CCDC73: variants seen among roughly 807,000 people sequenced by gnomAD.
CCDC73 encodes the protein coiled-coil domain containing 73.
CCDC73 carries 95 observed loss-of-function variants against 116.5 expected under a neutral mutation model. That is an observed-to-expected ratio of 0.82 (90% CI 0.69 to 0.97). The LOEUF is 0.97. Among genes scored for constraint, CCDC73 ranks in the 50% least tolerant of loss-of-function variants. The pLI is 0.00. For synonymous variants in CCDC73, 398 were observed against 401.3 expected (o/e 0.99, Z 0.10); for missense variants, 1,066 against 1,206.8 (o/e 0.88, Z 1.73).
chr11:32,675,900 T>G lies in CCDC73; in HGVS notation c.551A>C (p.Lys184Thr). The G allele has an allele frequency of 6.3e-7, 1 of 1,598,834 alleles. No individual in the cohort carries two copies. Among genetic ancestry groups the G allele is most frequent in the South Asian group, 1.1e-5 (1 of 87,906 alleles). The change falls in exon 8 of 18, where the codon AAG (lysine) becomes ACG (threonine). Residue 184 changes from lysine to threonine, a missense_variant. By Grantham distance (78) the Lys-to-Thr change is moderately conservative. Transcript: ENST00000335185. ...QFGLVKENHE[K>T]LEQNVREAIQ... ...ATAGCACATACCATTTTGTTCTAAC[T>G]TTTCATGATTCTCTTTTACCAATCC...
chr11:32,699,880 ATAT>A (rs201190499), intron 5 of CCDC73, among the ~76,000 whole-genome samples: 50,141 of 138,734 alleles, frequency 0.36, 9,174 homozygotes, highest in East Asian at 0.78. Flanking sequence ...AGATTAAAAA[ATAT>A]ATATATATAT....
chr11:32,660,229 CAAAAAAAAAAAAAA>C (rs11310092), intron 9 of CCDC73, among the ~76,000 whole-genome samples: 2 of 66,506 alleles, frequency 3.0e-5, no homozygotes, highest in South Asian at 7.5e-4. Flanking sequence ...TTCTCTCTAC[CAAAAAAAAAAAAAA>C]AAAAAAAAAA....
At chr11:32,764,156 C>T (rs1475874532) in intron 1 of CCDC73, among the ~76,000 whole-genome samples, 2 of 152,166 alleles carry the variant, frequency 1.3e-5, no homozygotes, top group Admixed American at 6.5e-5. Context: ...CTGAAAGTGA[C>T]AGGGAGAATG....
chr11:32,713,117 C>A (rs1355487508), intron 3 of CCDC73, among the ~76,000 whole-genome samples: 2 of 151,966 alleles, frequency 1.3e-5, no homozygotes, highest in African/African-American at 2.4e-5. Context: ...TTAGAAACTC[C>A]CCCCGGATTA....
Position 32,671,363 on chromosome 11 carries a change from T to C in CCDC73, c.645+4202A>G, listed in dbSNP as rs376875450. Among the ~76,000 whole-genome samples the C allele has an allele frequency of 2.7e-5, 4 of 147,470 alleles. No individual in the cohort carries two copies. The East Asian group carries it at 6.0e-4, about 22-fold the overall frequency. On this transcript the variant is annotated intron_variant, in intron 9 of 17. Transcript: ENST00000335185. The stretch of plus-strand genomic sequence containing the variant: ...TCAGAATGGTAATACCTAGTTTTTA[T>C]CTAACCACTAAGTTTGGTCTGTTTA...
At chr11:32,743,720 G>T (rs912288048) in intron 2 of CCDC73, among the ~76,000 whole-genome samples, 1 of 152,128 alleles carries the variant, frequency 6.6e-6, no homozygotes, top group Non-Finnish European at 1.5e-5. Flanking sequence ...TCTGTTATTG[G>T]TGTATAGGAA....
chr11:32,687,366 C>T (rs1266826476), intron 6 of CCDC73, among the ~76,000 whole-genome samples: 1 of 152,056 alleles, frequency 6.6e-6, no homozygotes, highest in Admixed American at 6.6e-5. Flanking sequence ...GGCAACCCAG[C>T]TGAAGGTGTC....
chr11:32,803,231 C>A, the CCDC73 span, among the ~76,000 whole-genome samples: 2 of 152,136 alleles, frequency 1.3e-5, no homozygotes, highest in Non-Finnish European at 2.9e-5. Context: ...GCTGGGATTA[C>A]AGATGTGCGC....
intron 2 of CCDC73, among the ~76,000 whole-genome samples, chr11:32,738,272 C>A (rs1586384): frequency 0.27 from 41,137 of 152,030 alleles, 6,431 homozygotes; most frequent in East Asian, 0.79. Flanking sequence ...TTTTAAGAAA[C>A]CTGCAAATTG....
intron 2 of CCDC73, among the ~76,000 whole-genome samples, chr11:32,725,812 T>A (rs1330674827): frequency 6.6e-6 from 1 of 152,118 alleles, no homozygotes; most frequent in Non-Finnish European, 1.5e-5. Context: ...AAAGAAGTGA[T>A]CCTGATAATC....
chr11:32,657,490 G>A (rs1855884299), intron 9 of CCDC73, among the ~76,000 whole-genome samples: 1 of 152,264 alleles, frequency 6.6e-6, no homozygotes, highest in Admixed American at 6.5e-5. Context: ...AGAATGAGTA[G>A]TATAGTGGAT....
the CCDC73 span, among the ~76,000 whole-genome samples, chr11:32,814,257 C>G: frequency 6.6e-6 from 1 of 152,280 alleles, no homozygotes. Context: ...AGGTGTAAGA[C>G]AGTGGAAGAT....
chr11:32,645,295 T>TC lies in CCDC73; in HGVS notation c.940-3214_940-3213insG, dbSNP rs1554962664. ...CTTTTTTTTCTTTTTCTTTTTCTTT[T>TC]TTTTTTTTTTTTTTGAGACAAAGTC... On this transcript the variant is annotated intron_variant, in intron 12 of 17. Transcript: ENST00000335185. Among the ~76,000 whole-genome samples, 55 of 82,776 alleles carry TC rather than the reference T, an allele frequency of 6.6e-4. 1 individual carries two copies. Among genetic ancestry groups the TC allele is most frequent in the Admixed American group, 7.7e-4 (7 of 9,122 alleles). 54.3% of individuals were successfully genotyped at this position (82,776 alleles called of 152,430 possible). A position where few individuals can be genotyped will look rare whatever the true frequency, so the allele number is the denominator to read the frequency against.
intron 1 of CCDC73, among the ~76,000 whole-genome samples, chr11:32,786,335 T>C (rs984033510): frequency 2.0e-5 from 3 of 147,008 alleles, no homozygotes; most frequent in African/African-American, 7.4e-5. Flanking sequence ...CTGTTATTTA[T>C]AATACTCAAG....
intron 9 of CCDC73, among the ~76,000 whole-genome samples, chr11:32,658,328 T>C (rs578184906): frequency 1.3e-5 from 2 of 152,266 alleles, no homozygotes; most frequent in African/African-American, 4.8e-5. Flanking sequence ...TTAGTACAAG[T>C]ACATTGAGAG....
intron 14 of CCDC73, among the ~76,000 whole-genome samples, chr11:32,633,790 C>A (rs975585825): frequency 6.6e-6 from 1 of 152,038 alleles, no homozygotes; most frequent in Non-Finnish European, 1.5e-5. Context: ...ATTCTAGAAT[C>A]CCAGAAAGAA....
intron 1 of CCDC73, among the ~76,000 whole-genome samples, chr11:32,784,688 G>A (rs991458900): frequency 2.6e-5 from 4 of 152,120 alleles, no homozygotes; most frequent in Admixed American, 6.5e-5. Flanking sequence ...AGGAAGAAAT[G>A]GCAGGAGAGA....
At chr11:32,645,442 C>A (rs1855769856) in intron 12 of CCDC73, among the ~76,000 whole-genome samples, 1 of 152,012 alleles carries the variant, frequency 6.6e-6, no homozygotes, top group Non-Finnish European at 1.5e-5. Flanking sequence ...CAGGTGCATA[C>A]CACCACACTG....
At chr11:32,746,134 C>A (rs1342458073) in intron 2 of CCDC73, among the ~76,000 whole-genome samples, 12 of 152,184 alleles carry the variant, frequency 7.9e-5, no homozygotes, top group Admixed American at 7.9e-4. Flanking sequence ...GTGACAAAAT[C>A]TCTCAGCATT....
Sources: allele counts gnomAD v4.1 joint callset (sites outside exome capture counted in the v4.1 genomes callset), GRCh38; gene constraint gnomAD v4.1.1; transcripts MANE v1.5; gene names NCBI Gene and HGNC (gene_info 2026-07-23, HGNC 2026-07-21).